Variants in LYN observed in about 807,000 individuals in gnomAD.
The protein encoded by LYN is tyrosine-protein kinase Lyn.
Under a neutral mutation model 65.0 loss-of-function variants are expected in LYN, and 12 were observed. That is an observed-to-expected ratio of 0.18 (90% CI 0.12 to 0.30). The LOEUF (loss-of-function observed/expected upper bound fraction) is 0.30, where lower values mean the gene tolerates loss of function less well. Ranked by LOEUF, LYN falls within the 10% of genes least tolerant of loss-of-function variation. The probability of loss-of-function intolerance (pLI) is 1.00; values close to 1 mark genes in which losing one functional copy is unlikely to be tolerated. For synonymous variants in LYN, 222 were observed against 221.2 expected (o/e 1.00, Z -0.03); for missense variants, 380 against 623.2 (o/e 0.61, Z 4.16).
chr8:55,941,487 C>T (rs746048108), intron 1 of LYN, among the ~76,000 whole-genome samples: 1 of 152,224 alleles, frequency 6.6e-6, no homozygotes, highest in Non-Finnish European at 1.5e-5. Context: ...TTTCAACTCA[C>T]AGAGCATTTC....
chr8:55,961,605 A>G (rs1373158745), intron 8 of LYN, among the ~76,000 whole-genome samples: 1 of 152,078 alleles, frequency 6.6e-6, no homozygotes, highest in Non-Finnish European at 1.5e-5. Context: ...TTTCCTGATG[A>G]CTTCCCCCCT....
chr8:55,920,919 A>C (rs1348161905), intron 1 of LYN, among the ~76,000 whole-genome samples: 1 of 151,830 alleles, frequency 6.6e-6, no homozygotes, highest in East Asian at 1.9e-4. Context: ...CTGGTCTTGA[A>C]CTCCTGACCT....
rs1041063447 is a variant in LYN at position 55,882,790 on chromosome 8, A to G, written c.-6+2687A>G. 2.0e-5 allele frequency among the ~76,000 whole-genome samples: 3 copies of G among 152,212 alleles called. 1 individual carries two copies. The highest frequency in any genetic ancestry group is 2.0e-4 in the Admixed American group (3 of 15,288). On this transcript the variant is annotated intron_variant, in intron 1 of 12. Coordinates refer to ENST00000519728, the MANE Select transcript of LYN (RefSeq NM_002350.4). ...AGGATGGAGAGGGACAGATACAGAA[A>G]AAGATTCAGGGGGTTGTCTAAGGTC...
intron 1 of LYN, among the ~76,000 whole-genome samples, chr8:55,922,762 C>T (rs1296453460): frequency 7.0e-6 from 1 of 141,850 alleles, no homozygotes; most frequent in Non-Finnish European, 1.5e-5. Flanking sequence ...AGCGAAATTC[C>T]ATCAAAAAAA....
chr8:55,905,344 G>A lies in LYN; in HGVS notation c.-6+25241G>A, dbSNP rs1368062159. On this transcript the variant is annotated intron_variant, in intron 1 of 12. Transcript: ENST00000519728. Reference sequence around the variant, plus strand: ...GAGAATTACTTCAACCCGGGAGGTGGAGATTGCAGTGAGCCGATAGTGCCA... The same window carrying A: ...GAGAATTACTTCAACCCGGGAGGTGAAGATTGCAGTGAGCCGATAGTGCCA... 6.6e-5 allele frequency among the ~76,000 whole-genome samples: 10 copies of A among 152,262 alleles called. No individual in the cohort carries two copies. In the East Asian group the frequency reaches 1.9e-3, roughly 29 times the overall value.
At chr8:56,001,344 AGGGAGAGACTTACTGGC>A (rs1808505552) in intron 12 of LYN, among the ~76,000 whole-genome samples, 1 of 152,200 alleles carries the variant, frequency 6.6e-6, no homozygotes, top group African/African-American at 2.4e-5. Context: ...AGAGTGGCTC[AGGGAGAGACTTACTGGC>A]CATGTAAGAG....
At chr8:55,968,937 T>A in intron 9 of LYN, among the ~76,000 whole-genome samples, 1 of 137,420 alleles carries the variant, frequency 7.3e-6, no homozygotes, top group East Asian at 2.0e-4. Context: ...AGCAGCACAC[T>A]CCTTCTTAGG....
intron 1 of LYN, among the ~76,000 whole-genome samples, chr8:55,913,469 A>G (rs1805697802): frequency 6.6e-6 from 1 of 152,212 alleles, no homozygotes; most frequent in African/African-American, 2.4e-5. Context: ...CAAATCTAGA[A>G]AACACCAACT....
intron 10 of LYN, among the ~76,000 whole-genome samples, chr8:55,998,067 G>A (rs1227016409): frequency 2.0e-5 from 3 of 151,790 alleles, no homozygotes; most frequent in Non-Finnish European, 2.9e-5. Flanking sequence ...CTGGGTGAAA[G>A]AGCGAGACTC....
chr8:55,954,909 A>G (rs1297199917), intron 8 of LYN, among the ~76,000 whole-genome samples: 4 of 152,166 alleles, frequency 2.6e-5, no homozygotes, highest in African/African-American at 9.7e-5. Context: ...CTTTGGTGAT[A>G]AGAGTTTTTT....
chr8:56,008,563 CCTT>C (rs574775550), intron 12 of LYN, among the ~76,000 whole-genome samples: 1 of 152,198 alleles, frequency 6.6e-6, no homozygotes, highest in Non-Finnish European at 1.5e-5. Context: ...GGATTAATCT[CCTT>C]TATCATGCAG....
intron 1 of LYN, among the ~76,000 whole-genome samples, chr8:55,888,364 G>C (rs1390429487): frequency 6.6e-6 from 1 of 152,198 alleles, no homozygotes; most frequent in Non-Finnish European, 1.5e-5. Flanking sequence ...AGGGTGCTTG[G>C]CCCTAATACT....
At position 55,889,519 on chromosome 8, in the gene LYN, A is replaced by G. The variant is rs151011320; in HGVS notation, c.-6+9416A>G. 2.7e-3 allele frequency among the ~76,000 whole-genome samples: 416 copies of G among 152,276 alleles called. 1 individual carries two copies. The highest frequency in any genetic ancestry group is 9.4e-3 in the African/African-American group (389 of 41,556). ...CACCACACCCAGCCCAAGTATATTT[A>G]TCGAGTGCTGTATGTCATGATAGTG... On this transcript the variant is annotated intron_variant, in intron 1 of 12. Coordinates refer to ENST00000519728, the MANE Select transcript of LYN (RefSeq NM_002350.4).
At chr8:55,953,716 T>A in intron 7 of LYN, 116 bp from the exon 8 acceptor site, 1 of 812,748 alleles carries the variant, frequency 1.2e-6, no homozygotes. Context: ...TGCATTTTAG[T>A]TCACAGACTG....
At chr8:55,965,367 G>A (rs371676612) in intron 8 of LYN, among the ~76,000 whole-genome samples, 1 of 152,192 alleles carries the variant, frequency 6.6e-6, no homozygotes. Flanking sequence ...TCTCCTGGGT[G>A]GGGGAGGAGT....
intron 1 of LYN, among the ~76,000 whole-genome samples, chr8:55,903,786 G>A (rs1292848675): frequency 6.6e-6 from 1 of 152,206 alleles, no homozygotes; most frequent in African/African-American, 2.4e-5. Context: ...GGCCAAGGTA[G>A]GAGGATTACT....
chr8:55,939,267 G>C (rs1280121384), intron 1 of LYN, among the ~76,000 whole-genome samples: 1 of 152,174 alleles, frequency 6.6e-6, no homozygotes, highest in Non-Finnish European at 1.5e-5. Context: ...CCTGAGCAGT[G>C]AGGCCATGCT....
chr8:55,932,287 C>T (rs1806292928), intron 1 of LYN, among the ~76,000 whole-genome samples: 2 of 152,094 alleles, frequency 1.3e-5, no homozygotes, highest in Admixed American at 1.3e-4. Context: ...AACCATATCT[C>T]ACATTAAACT....
At chr8:55,951,517 T>C (rs1210102925) in intron 6 of LYN, among the ~76,000 whole-genome samples, 1 of 152,016 alleles carries the variant, frequency 6.6e-6, no homozygotes, top group Non-Finnish European at 1.5e-5. Flanking sequence ...ATTAAAAAAT[T>C]AGCCAGCTGT....
Sources: gnomAD v4.1 joint callset for allele counts (sites outside exome capture counted in the v4.1 genomes callset) on GRCh38, gnomAD v4.1.1 for gene constraint, MANE v1.5 for transcripts, NCBI Gene and HGNC (gene_info 2026-07-23, HGNC 2026-07-21) for gene names.